PRR16: variants seen among roughly 807,000 people sequenced by gnomAD.
The protein encoded by PRR16 is proline rich 16, also known as protein Largen.
A neutral mutation model predicts 18.2 loss-of-function variants in PRR16; 6 were observed. The observed-to-expected ratio is 0.33, with a 90% CI of 0.18 to 0.65. The LOEUF (loss-of-function observed/expected upper bound fraction) is 0.65, where lower values mean the gene tolerates loss of function less well. Among genes scored for constraint, PRR16 ranks in the 30% least tolerant of loss-of-function variants. PRR16 has a pLI of 0.74. For synonymous variants in PRR16, 151 were observed against 147.8 expected (o/e 1.02, Z -0.16); for missense variants, 412 against 376.6 (o/e 1.09, Z -0.78).
the PRR16 span, among the ~76,000 whole-genome samples, chr5:120,701,292 C>T: frequency 0.95 from 143,958 of 152,150 alleles, 68,614 homozygotes; most frequent in East Asian, 1. Flanking sequence ...GATTGGGTAA[C>T]AAAACGTATT....
At chr5:120,789,323 G>T in the PRR16 span, among the ~76,000 whole-genome samples, 4 of 152,064 alleles carry the variant, frequency 2.6e-5, no homozygotes, top group African/African-American at 9.7e-5. Flanking sequence ...GGTTGTCAGG[G>T]TGATAATTGT....
the PRR16 span, among the ~76,000 whole-genome samples, chr5:120,721,885 TTTA>T: frequency 1.3e-5 from 2 of 152,136 alleles, no homozygotes; most frequent in South Asian, 2.1e-4. Flanking sequence ...AGTATTCTTT[TTTA>T]TTATTATTAT....
intron 1 of PRR16, among the ~76,000 whole-genome samples, chr5:120,648,171 A>G (rs537365428): frequency 3.3e-5 from 5 of 152,226 alleles, no homozygotes; most frequent in Non-Finnish European, 7.4e-5. Flanking sequence ...TAGTCACTAG[A>G]TGTTTTTAAA....
intron 1 of PRR16, among the ~76,000 whole-genome samples, chr5:120,573,097 A>C (rs887435504): frequency 2.6e-5 from 4 of 152,110 alleles, no homozygotes; most frequent in Admixed American, 6.6e-5. Context: ...TTTGCCCTCT[A>C]TTTCTGAACC....
chr5:120,712,602 AAC>A, the PRR16 span, among the ~76,000 whole-genome samples: 1 of 152,206 alleles, frequency 6.6e-6, no homozygotes, highest in African/African-American at 2.4e-5. Context: ...ATATATAACA[AAC>A]ACAATTCAAT....
chr5:120,787,481 T>C, the PRR16 span, among the ~76,000 whole-genome samples: 1 of 152,150 alleles, frequency 6.6e-6, no homozygotes, highest in Admixed American at 6.5e-5. Flanking sequence ...AATGGTAAGA[T>C]GATTTTGTTT....
chr5:120,507,491 C>T (rs1441469922), intron 1 of PRR16, among the ~76,000 whole-genome samples: 2 of 151,988 alleles, frequency 1.3e-5, no homozygotes, highest in African/African-American at 4.8e-5. Flanking sequence ...AGTACCTCAT[C>T]AATTTATTTT....
the PRR16 span, among the ~76,000 whole-genome samples, chr5:120,757,100 G>A: frequency 6.6e-6 from 1 of 151,980 alleles, no homozygotes; most frequent in African/African-American, 2.4e-5. Flanking sequence ...GCTTATTTTT[G>A]TTAACTTTGT....
the PRR16 span, among the ~76,000 whole-genome samples, chr5:120,777,741 T>C: frequency 1.3e-5 from 2 of 152,142 alleles, no homozygotes; most frequent in African/African-American, 4.8e-5. Flanking sequence ...TATTGTCCTT[T>C]GAATCCAATA....
the PRR16 span, among the ~76,000 whole-genome samples, chr5:120,693,425 A>G: frequency 1.7e-3 from 262 of 152,350 alleles, 2 homozygotes; most frequent in Non-Finnish European, 2.0e-3. Context: ...TTCTAAGGCA[A>G]TGGGACTACA....
chr5:120,512,529 G>A (rs181706413), intron 1 of PRR16, among the ~76,000 whole-genome samples: 2 of 152,046 alleles, frequency 1.3e-5, no homozygotes, highest in African/African-American at 2.4e-5. Flanking sequence ...GGTTTCTGGC[G>A]GCATAGAAAA....
At chr5:120,634,398 C>G (rs1180941501) in intron 1 of PRR16, among the ~76,000 whole-genome samples, 1 of 152,154 alleles carries the variant, frequency 6.6e-6, no homozygotes, top group Non-Finnish European at 1.5e-5. Flanking sequence ...AATCCCAGCA[C>G]TTTGGGAGGC....
intron 1 of PRR16, among the ~76,000 whole-genome samples, chr5:120,562,900 G>T (rs1359888651): frequency 6.6e-6 from 1 of 152,036 alleles, no homozygotes; most frequent in Non-Finnish European, 1.5e-5. Flanking sequence ...TTCTATTTAA[G>T]AGTAGGTTGT....
At chr5:120,698,531 T>A in the PRR16 span, among the ~76,000 whole-genome samples, 3 of 120,146 alleles carry the variant, frequency 2.5e-5, no homozygotes, top group East Asian at 6.0e-4. Context: ...GAGCAGGGCA[T>A]GTATGAGTAG....
rs150431817 is a variant in PRR16 at position 120,571,317 on chromosome 5, G to A, written c.159+106672G>A. 1.4e-4 allele frequency among the ~76,000 whole-genome samples: 22 copies of A among 152,258 alleles called. No individual in the cohort carries two copies. In the East Asian group the frequency reaches 3.1e-3, roughly 21 times the overall value. On this transcript the variant is annotated intron_variant, in intron 1 of 1. Coordinates refer to ENST00000407149, the MANE Select transcript of PRR16 (RefSeq NM_001300783.2). ...ATGAGAGGAAGTCTTCTGCACAGAG[G>A]GAATAGTAAATGGAAGTGCAATTGT...
intron 1 of PRR16, among the ~76,000 whole-genome samples, chr5:120,493,613 G>A (rs1382273129): frequency 6.6e-6 from 1 of 152,018 alleles, no homozygotes; most frequent in East Asian, 1.9e-4. Flanking sequence ...CATTGATATA[G>A]GCAAGTTACA....
chr5:120,624,188 C>T (rs2112826967), intron 1 of PRR16, among the ~76,000 whole-genome samples: 1 of 152,164 alleles, frequency 6.6e-6, no homozygotes, highest in South Asian at 2.1e-4. Context: ...ATCCTTTCTG[C>T]AGTATTAAAG....
the PRR16 span, among the ~76,000 whole-genome samples, chr5:120,736,644 G>A: frequency 7.7e-6 from 1 of 129,938 alleles, no homozygotes; most frequent in Admixed American, 9.1e-5. Context: ...TTGGGATTTT[G>A]ATGGATTACA....
chr5:120,704,614 C>T, the PRR16 span, among the ~76,000 whole-genome samples: 1 of 152,112 alleles, frequency 6.6e-6, no homozygotes, highest in African/African-American at 2.4e-5. Context: ...GAATCATAAT[C>T]CTCCCTAAAC....
Sources: gnomAD v4.1 joint callset for allele counts (sites outside exome capture counted in the v4.1 genomes callset) on GRCh38, gnomAD v4.1.1 for gene constraint, MANE v1.5 for transcripts, NCBI Gene and HGNC (gene_info 2026-07-23, HGNC 2026-07-21) for gene names.